MAP3K20: variants seen among roughly 807,000 people sequenced by gnomAD.
MAP3K20 encodes the protein mitogen-activated protein kinase kinase kinase 20, also known as HCCS-4.
A neutral mutation model predicts 85.7 loss-of-function variants in MAP3K20; 40 were observed. The observed-to-expected ratio is 0.47, with a 90% confidence interval of 0.36 to 0.61. MAP3K20 has a LOEUF of 0.61. Among genes scored for constraint, MAP3K20 ranks in the 20% least tolerant of loss-of-function variants. The pLI is 0.00. For missense variants in MAP3K20, 817 were observed against 961.7 expected, an observed-to-expected ratio of 0.85 and a Z score of 1.99; for synonymous variants, 325 against 327.7, an observed-to-expected ratio of 0.99 and a Z score of 0.09.
At chr2:173,226,763 TA>T (rs1332543946) in intron 11 of MAP3K20, 14 of 985,630 alleles carry the variant, frequency 1.4e-5, no homozygotes, top group South Asian at 4.7e-5. Flanking sequence ...ACACTGCACA[TA>T]TTGCTTTTGC....
rs1178894652 is a variant in MAP3K20, at chr2:173,217,250, G to A, written c.987G>A (p.Pro329=). Residue 329 remains proline (P), a splice_region_variant and synonymous_variant, in exon 11 of 20, where the codon CCG becomes CCA. Coordinates refer to ENST00000375213, the MANE Select transcript of MAP3K20 (RefSeq NM_016653.3). ...AGCTGACAGAGCAGTCCAACACCCC[G>A]GTGAGTACCCTCCCCCTTCGCCGTC... is the stretch of plus-strand genomic sequence containing the variant. ...EQKLTEQSNT[P]LLPSFEIGAW... The A allele has an allele frequency of 1.3e-6, 2 of 1,562,276 alleles. No homozygotes were observed. Among genetic ancestry groups the A allele is most frequent in the Non-Finnish European group, 1.7e-6 (2 of 1,153,948 alleles).
At chr2:173,242,549 G>A (rs1684812785) in intron 16 of MAP3K20, among the ~76,000 whole-genome samples, 1 of 151,962 alleles carries the variant, frequency 6.6e-6, no homozygotes, top group Admixed American at 6.6e-5. Context: ...AAAATAAGGA[G>A]CTATGGATAA....
intron 12 of MAP3K20, among the ~76,000 whole-genome samples, chr2:173,231,043 A>G (rs577541183): frequency 6.6e-6 from 1 of 152,332 alleles, no homozygotes; most frequent in African/African-American, 2.4e-5. Context: ...GACTTATGCT[A>G]TCCAGGTCTA....
chr2:173,244,984 G>A (rs1383132307), intron 16 of MAP3K20, among the ~76,000 whole-genome samples: 1 of 152,176 alleles, frequency 6.6e-6, no homozygotes, highest in Non-Finnish European at 1.5e-5. Context: ...GCATAGCAGA[G>A]GCATTTGCTG....
intron 11 of MAP3K20, among the ~76,000 whole-genome samples, chr2:173,220,653 A>G (rs1294365877): frequency 6.6e-6 from 1 of 152,232 alleles, no homozygotes; most frequent in Admixed American, 6.5e-5. Context: ...TTAATAACCC[A>G]CATTTCCCTA....
intron 2 of MAP3K20, among the ~76,000 whole-genome samples, chr2:173,145,957 A>G (rs1689124306): frequency 6.6e-6 from 1 of 152,190 alleles, no homozygotes; most frequent in Admixed American, 6.5e-5. Context: ...CAAAAACAAA[A>G]TGTTGAGCAA....
At chr2:173,205,117 A>AT (rs200681847) in intron 9 of MAP3K20, among the ~76,000 whole-genome samples, 30,531 of 146,276 alleles carry the variant, frequency 0.21, 3,497 homozygotes, top group South Asian at 0.33. Context: ...AAAAAAAAAA[A>AT]AAAAATAAAT....
At chr2:173,109,331 C>G (rs1687875120) in intron 2 of MAP3K20, among the ~76,000 whole-genome samples, 1 of 152,126 alleles carries the variant, frequency 6.6e-6, no homozygotes, top group Admixed American at 6.5e-5. Context: ...AGGGTTTTGC[C>G]TTTGTTTATA....
rs191925466 is a variant in MAP3K20 at position 173,119,446 on chromosome 2, G to A, written c.159+28256G>A. Among the ~76,000 whole-genome samples the A allele has an allele frequency of 6.6e-5, 10 of 152,340 alleles. No homozygotes were observed. The East Asian group carries it at 1.9e-3, about 29-fold the overall frequency. On this transcript the variant is annotated intron_variant, in intron 2 of 19. Coordinates refer to ENST00000375213, the MANE Select transcript of MAP3K20 (RefSeq NM_016653.3). ...ATGCTGCTGGCCATCATGGCCACTG[G>A]AGGAAGGAAAAGCATATAGGAAACA...
At chr2:173,261,944 G>A (rs1349008462) in intron 18 of MAP3K20, among the ~76,000 whole-genome samples, 1 of 150,012 alleles carries the variant, frequency 6.7e-6, no homozygotes, top group Admixed American at 6.6e-5. Context: ...TTGAGCCCAG[G>A]AGGTTGAGGC....
chr2:173,201,011 A>G (rs547291094), intron 8 of MAP3K20, among the ~76,000 whole-genome samples: 2 of 152,296 alleles, frequency 1.3e-5, no homozygotes, highest in Admixed American at 6.5e-5. Flanking sequence ...GAAATCTTAC[A>G]TGTCTGTAGT....
At chr2:173,128,084 G>A (rs1405882898) in intron 2 of MAP3K20, among the ~76,000 whole-genome samples, 3 of 151,930 alleles carry the variant, frequency 2.0e-5, no homozygotes, top group African/African-American at 7.3e-5. Flanking sequence ...TTTCCACACC[G>A]AGTACAATTT....
At chr2:173,219,694 T>G (rs541998710) in intron 11 of MAP3K20, among the ~76,000 whole-genome samples, 1 of 152,226 alleles carries the variant, frequency 6.6e-6, no homozygotes, top group Non-Finnish European at 1.5e-5. Context: ...ATTAAAGTTA[T>G]TGAACTAACA....
chr2:173,262,342 G>A (rs554159148), intron 18 of MAP3K20, among the ~76,000 whole-genome samples: 1 of 152,264 alleles, frequency 6.6e-6, no homozygotes, highest in East Asian at 1.9e-4. Context: ...GCTCAAGCCT[G>A]TAACCCCAGC....
rs200046894 is a variant in MAP3K20, at chr2:173,197,979, A to G, written c.583-47A>G. On this transcript the variant is annotated intron_variant, in intron 7 of 19. Transcript: ENST00000375213. ...ATAAGGTCTCAGTAATATGTACCAA[A>G]AAATATAAAGTACAAAAATAAAAAT... The G allele has an allele frequency of 8.2e-5, 129 of 1,572,978 alleles. No homozygotes were observed. In the African/African-American group the frequency reaches 1.6e-3, roughly 19 times the overall value.
intron 2 of MAP3K20, among the ~76,000 whole-genome samples, chr2:173,134,018 A>G (rs1488890855): frequency 2.6e-5 from 4 of 151,066 alleles, no homozygotes; most frequent in African/African-American, 9.7e-5. Flanking sequence ...AAACAAAAAC[A>G]TTCATGCCTG....
intron 2 of MAP3K20, among the ~76,000 whole-genome samples, chr2:173,144,693 A>C (rs530930361): frequency 5.3e-5 from 8 of 151,872 alleles, no homozygotes; most frequent in Admixed American, 3.9e-4. Context: ...GCAAGACCCT[A>C]TCTCAAACAA....
At chr2:173,093,404 T>G (rs1687358866) in intron 2 of MAP3K20, among the ~76,000 whole-genome samples, 1 of 152,214 alleles carries the variant, frequency 6.6e-6, no homozygotes, top group Non-Finnish European at 1.5e-5. Context: ...TAAATATATG[T>G]TCTATAAACT....
intron 10 of MAP3K20, 34 bp from the exon 11 acceptor site, chr2:173,217,076 TAAGTA>T (rs528409393): frequency 1.2e-5 from 17 of 1,426,784 alleles, no homozygotes; most frequent in South Asian, 9.0e-5. Context: ...TGATGTCTCT[TAAGTA>T]AAGTTGAGAC....
Sources: gnomAD v4.1 joint callset for allele counts (sites outside exome capture counted in the v4.1 genomes callset) on GRCh38, gnomAD v4.1.1 for gene constraint, MANE v1.5 for transcripts, NCBI Gene and HGNC (gene_info 2026-07-23, HGNC 2026-07-21) for gene names.